The following POLE variants were observed in gnomAD, a reference collection of about 807,000 sequenced individuals.
POLE encodes the protein DNA polymerase epsilon, catalytic subunit.
In POLE, 188 loss-of-function variants were observed where a neutral mutation model predicts 279.2. That is an observed-to-expected ratio of 0.67 (90% CI 0.60 to 0.76). POLE has a LOEUF of 0.76. POLE is among the 30% of genes least tolerant of loss of function. The pLI, the probability that POLE is intolerant of heterozygous loss-of-function variation, is 0.00. For missense variants in POLE, 2,703 were observed against 3,016.7 expected, an observed-to-expected ratio of 0.90 and a Z score of 2.44; for synonymous variants, 1,214 against 1,172.5, an observed-to-expected ratio of 1.04 and a Z score of -0.72.
intron 1 of POLE, 53 bp from the exon 2 acceptor site, chr12:132,681,332 CTTCTTTTT>C (rs2043163884): frequency 3.2e-6 from 5 of 1,570,390 alleles, no homozygotes; most frequent in Non-Finnish European, 4.3e-6. Flanking sequence ...CCTGCTGCTG[CTTCTTTTT>C]TTCTTTTTTT....
At chr12:132,629,506 A>G (rs1566311884) in intron 45 of POLE, among the ~76,000 whole-genome samples, 1 of 152,116 alleles carries the variant, frequency 6.6e-6, no homozygotes, top group Non-Finnish European at 1.5e-5. Flanking sequence ...CTGTTGCCTC[A>G]TTTGCCCTTT....
Position 132,652,873 on chromosome 12 carries a change from TTTGG to T in POLE, c.3583-2988_3583-2985del, listed in dbSNP as rs1251764195. Among the ~76,000 whole-genome samples, 18 of 152,356 alleles carry T rather than the reference TTTGG, an allele frequency of 1.2e-4. No individual in the cohort carries two copies. In the South Asian group the frequency reaches 2.9e-3, roughly 25 times the overall value. On this transcript the variant is annotated intron_variant, in intron 29 of 48. Transcript: ENST00000320574. Reference sequence around the variant, plus strand: ...GTGCCCTCCTTATTCTTCAAAATTCTTTGGTTATTCTTATCCTTACCCTTTATAT... The same window carrying T: ...GTGCCCTCCTTATTCTTCAAAATTCTTTATTCTTATCCTTACCCTTTATAT...
chr12:132,638,858 C>G (rs2042084771), intron 40 of POLE: 3 of 452,432 alleles, frequency 6.6e-6, no homozygotes. Flanking sequence ...AACAACAAGG[C>G]ACACAGCAAT....
chr12:132,662,678 G>GA (rs2042705400), intron 23 of POLE, among the ~76,000 whole-genome samples: 1 of 152,164 alleles, frequency 6.6e-6, no homozygotes, highest in South Asian at 2.1e-4. Flanking sequence ...TTGGAGCAGG[G>GA]AAAATACAAG....
chr12:132,675,890 A>G lies in POLE; in HGVS notation c.1021-70T>C. ...TCAAGCTATTCCAAATTCCTCTCCCAAAGTTCAGAAGCAGCAGCCTCATGT... is the reference window on the plus strand; with the variant it reads ...TCAAGCTATTCCAAATTCCTCTCCCGAAGTTCAGAAGCAGCAGCCTCATGT... On this transcript the variant is annotated intron_variant, in intron 10 of 48. Transcript: ENST00000320574. The surrounding 1 kb of genome is among the most constrained non-coding windows in gnomAD (Gnocchi z 4.3). 1 of 1,316,790 alleles carries G rather than the reference A, an allele frequency of 7.6e-7. No individual in the cohort carries two copies. The highest frequency in any genetic ancestry group is 1.1e-6 in the Non-Finnish European group (1 of 911,650). The allele number at this position is 1,316,790 out of a possible 1,614,324, so 81.6% of individuals were successfully genotyped here. A position where few individuals can be genotyped will look rare whatever the true frequency, so the allele number is the denominator to read the frequency against.
Position 132,641,978 on chromosome 12 carries a change from C to T in POLE, c.5174-127G>A, listed in dbSNP as rs2042154616. Reference sequence around the variant, plus strand: ...AGACCTGCCCACACCCATCCTCACACCTGCCAGGCTATTCAGATTCCCGAG... The same window carrying T: ...AGACCTGCCCACACCCATCCTCACATCTGCCAGGCTATTCAGATTCCCGAG... On this transcript the variant is annotated intron_variant, in intron 38 of 48. Coordinates refer to ENST00000320574, the MANE Select transcript of POLE (RefSeq NM_006231.4). 4.1e-6 allele frequency: 4 copies of T among 986,334 alleles called. No individual in the cohort carries two copies. The East Asian group carries it at 7.6e-5, about 19-fold the overall frequency. The allele number at this position is 986,334 out of a possible 1,614,324, so 61.1% of individuals were successfully genotyped here. A position where few individuals can be genotyped will look rare whatever the true frequency, so the allele number is the denominator to read the frequency against.
At chr12:132,670,623 TG>T (rs2135984837) in intron 16 of POLE, among the ~76,000 whole-genome samples, 1 of 150,124 alleles carries the variant, frequency 6.7e-6, no homozygotes, top group African/African-American at 2.4e-5. Context: ...CCCGAGTAGC[TG>T]GGACTACAGG....
chr12:132,642,799 C>T (rs2042180033), intron 36 of POLE, 21 bp downstream of exon 36: 1 of 1,613,660 alleles, frequency 6.2e-7, no homozygotes, highest in East Asian at 2.2e-5. Flanking sequence ...GCTCACACAG[C>T]AAGACCCCAA....
At chr12:132,662,565 A>G (rs1265838541) in intron 23 of POLE, among the ~76,000 whole-genome samples, 1 of 152,144 alleles carries the variant, frequency 6.6e-6, no homozygotes, top group African/African-American at 2.4e-5. Context: ...TGCCTCCACT[A>G]TGAGAGACTG....
chr12:132,664,100 G>A lies in POLE; in HGVS notation c.2610C>T (p.Asn870=), dbSNP rs1057524008. Residue 870 remains asparagine (N), a synonymous_variant, in exon 23 of 49, where the codon AAC becomes AAT. Transcript: ENST00000320574. The surrounding 1 kb of genome is among the most constrained non-coding windows in gnomAD (Gnocchi z 5.3). ...DTDGIWCVLP[N]SFPENFVFKT... ...TGAAGACAAAATTTTCTGGGAAGCT[G>A]TTGGGCAGGACGCACCATATACCAT... 1.2e-6 allele frequency: 2 copies of A among 1,614,214 alleles called. No homozygotes were observed. Among genetic ancestry groups the A allele is most frequent in the Non-Finnish European group, 1.7e-6 (2 of 1,180,024 alleles).
In POLE at chr12:132,675,719, G is replaced by A. The variant is rs1421617720; in HGVS notation, c.1106+16C>T. The A allele has an allele frequency of 6.2e-7, 1 of 1,609,802 alleles. No individual in the cohort carries two copies. Among genetic ancestry groups the A allele is most frequent in the Admixed American group, 1.7e-5 (1 of 60,020 alleles). ...CAAATGCTGCCCAGTTACTCATAGA[G>A]AAGACACAGACTCACCAGTCAAAAA... On this transcript the variant is annotated intron_variant, in intron 11 of 48. Transcript: ENST00000320574. The surrounding 1 kb of genome is among the most constrained non-coding windows in gnomAD (Gnocchi z 4.3).
Position 132,667,618 on chromosome 12 carries a change from T to C in POLE, c.2204A>G (p.His735Arg), listed in dbSNP as rs748425772. The C allele has an allele frequency of 6.2e-7, 1 of 1,614,204 alleles. No homozygotes were observed. Among genetic ancestry groups the C allele is most frequent in the Non-Finnish European group, 8.5e-7 (1 of 1,180,018 alleles). ...DYCRKAYKKI[H>R]ITKVEERLTT... ...GAGACGCTCTTCCACCTTGGTGATG[T>C]GGATCTTCTTGTAGGCTTTCCGGCA... The change falls in exon 20 of 49, where the codon CAC becomes CGC. Residue 735 changes from histidine to arginine, a missense_variant. Physicochemically the swap from His to Arg is conservative, Grantham distance 29 (BLOSUM62 0). This residue lies in a region of POLE where 1,011 missense variants were observed against 1,111.7 expected (regional missense o/e 0.91). Coordinates refer to ENST00000320574, the MANE Select transcript of POLE (RefSeq NM_006231.4).
At chr12:132,669,719 G>A (rs1438559422) in intron 16 of POLE, among the ~76,000 whole-genome samples, 17 of 152,176 alleles carry the variant, frequency 1.1e-4, no homozygotes, top group Admixed American at 1.1e-3. Flanking sequence ...AAGAAGGGGA[G>A]GATGGGCTGG....
intron 16 of POLE, among the ~76,000 whole-genome samples, chr12:132,670,602 T>C (rs1376871277): frequency 6.7e-6 from 1 of 149,194 alleles, no homozygotes; most frequent in Admixed American, 6.7e-5. Flanking sequence ...GCTATTCTCC[T>C]GCCTCAGCCT....
chr12:132,634,110 C>T lies in POLE; in HGVS notation c.6004+76G>A, dbSNP rs1451682550. On this transcript the variant is annotated intron_variant, in intron 43 of 48. Transcript: ENST00000320574. This position sits in a 1 kb window ranked among gnomAD's most constrained non-coding sequence, Gnocchi z 4.0. ...TTTCCCTGTCTCCCTTCTTGCGATA[C>T]CATGGCACAGGAGCCACATCTACTA... 1.5e-6 allele frequency: 2 copies of T among 1,321,252 alleles called. No individual in the cohort carries two copies. The highest frequency in any genetic ancestry group is 2.9e-5 in the African/African-American group (2 of 68,314). 81.8% of individuals were successfully genotyped at this position (1,321,252 alleles called of 1,614,324 possible).
In POLE at chr12:132,632,267, C is replaced by T. The variant is rs928782457; in HGVS notation, c.6330+48G>A. On this transcript the variant is annotated intron_variant, in intron 45 of 48. Coordinates refer to ENST00000320574, the MANE Select transcript of POLE (RefSeq NM_006231.4). ...TGCACACAGTAACATTCTCGCCTTACACATGTACGTTAGTGTCCTCTCCTC... is the reference window on the plus strand; with the variant it reads ...TGCACACAGTAACATTCTCGCCTTATACATGTACGTTAGTGTCCTCTCCTC... 3.5e-6 allele frequency: 5 copies of T among 1,445,472 alleles called. No individual in the cohort carries two copies. In the African/African-American group the frequency reaches 5.6e-5, roughly 16 times the overall value. 89.5% of individuals were successfully genotyped at this position (1,445,472 alleles called of 1,614,324 possible).
At chr12:132,663,036 T>C (rs530797159) in intron 23 of POLE, among the ~76,000 whole-genome samples, 9 of 152,344 alleles carry the variant, frequency 5.9e-5, no homozygotes, top group African/African-American at 2.2e-4. Context: ...GCGTAACTGC[T>C]GCAGGTGCGG....
At position 132,661,235 on chromosome 12, in the gene POLE, C is replaced by T. The variant is rs2135947141; in HGVS notation, c.2865-71G>A. The T allele has an allele frequency of 7.3e-7, 1 of 1,378,632 alleles. No individual in the cohort carries two copies. The highest frequency in any genetic ancestry group is 9.9e-7 in the Non-Finnish European group (1 of 1,011,334). 85.4% of individuals were successfully genotyped at this position (1,378,632 alleles called of 1,614,324 possible). A position where few individuals can be genotyped will look rare whatever the true frequency, so the allele number is the denominator to read the frequency against. ...GGGGAGCCACCAGCTGTGCCTCATC[C>T]TCTCTGCCCGCCTCTTCCCTTTCCA... On this transcript the variant is annotated intron_variant, in intron 24 of 48. Transcript: ENST00000320574. The surrounding 1 kb of genome is among the most constrained non-coding windows in gnomAD (Gnocchi z 4.1).
chr12:132,664,568 A>G lies in POLE; in HGVS notation c.2469-106T>C. 1.2e-6 allele frequency: 1 copy of G among 835,052 alleles called. No homozygotes were observed. Among genetic ancestry groups the G allele is most frequent in the Admixed American group, 2.0e-5 (1 of 50,922 alleles). The allele number at this position is 835,052 out of a possible 1,614,324, so 51.7% of individuals were successfully genotyped here. A position where few individuals can be genotyped will look rare whatever the true frequency, so the allele number is the denominator to read the frequency against. ...AGGAAAGGAGAGATGCGACAGGGAC[A>G]AGGGAAGCAGCCAAATGTGCGTGCA... On this transcript the variant is annotated intron_variant, in intron 21 of 48. Transcript: ENST00000320574. This position sits in a 1 kb window ranked among gnomAD's most constrained non-coding sequence, Gnocchi z 5.3.
Sources: allele counts gnomAD v4.1 joint callset (sites outside exome capture counted in the v4.1 genomes callset), GRCh38; gene constraint gnomAD v4.1.1; regional missense constraint gnomAD v4.1.1; non-coding constraint Gnocchi (gnomAD v3.1); transcripts MANE v1.5; gene names NCBI Gene and HGNC (gene_info 2026-07-23, HGNC 2026-07-21).